Variants in INPP4A observed in about 807,000 individuals in gnomAD.
The protein encoded by INPP4A is inositol polyphosphate-4-phosphatase, type I, 107kD.
Under a neutral mutation model 119.8 loss-of-function variants are expected in INPP4A, and 33 were observed. The observed-to-expected ratio is 0.28, with a 90% CI of 0.21 to 0.37. The LOEUF (loss-of-function observed/expected upper bound fraction) is 0.37. Ranked by LOEUF, INPP4A falls within the 10% of genes least tolerant of loss-of-function variation. The pLI is 1.00. For synonymous variants in INPP4A, 496 were observed against 500.7 expected (o/e 0.99, Z 0.12); for missense variants, 956 against 1,289.9 (o/e 0.74, Z 3.97).
chr2:98,484,075 T>C (rs1406963469), intron 1 of INPP4A, among the ~76,000 whole-genome samples: 1 of 152,094 alleles, frequency 6.6e-6, no homozygotes, highest in African/African-American at 2.4e-5. Context: ...AGAGGTGGGC[T>C]TGGAATCTCT....
intron 1 of INPP4A, among the ~76,000 whole-genome samples, chr2:98,501,229 A>T (rs1683055906): frequency 6.6e-6 from 1 of 152,114 alleles, no homozygotes; most frequent in African/African-American, 2.4e-5. Flanking sequence ...AGGCAGGAGA[A>T]TCGCTGAGGC....
chr2:98,484,695 T>C (rs1010161350), intron 1 of INPP4A, among the ~76,000 whole-genome samples: 8 of 152,176 alleles, frequency 5.3e-5, no homozygotes, highest in African/African-American at 1.7e-4. Flanking sequence ...TCCCAGTGCT[T>C]AACATTTTTA....
At chr2:98,463,662 G>A (rs934248178) in intron 1 of INPP4A, among the ~76,000 whole-genome samples, 1 of 152,256 alleles carries the variant, frequency 6.6e-6, no homozygotes, top group Non-Finnish European at 1.5e-5. Context: ...TGGCCCTGGG[G>A]TCTGTCTGTA....
intron 24 of INPP4A, among the ~76,000 whole-genome samples, chr2:98,585,657 G>C (rs898906404): frequency 6.6e-6 from 1 of 152,156 alleles, no homozygotes; most frequent in Non-Finnish European, 1.5e-5. Flanking sequence ...TAACAGTGTC[G>C]GCATGTGGAT....
intron 1 of INPP4A, among the ~76,000 whole-genome samples, chr2:98,476,085 T>G (rs1346461527): frequency 6.6e-6 from 1 of 152,218 alleles, no homozygotes; most frequent in Non-Finnish European, 1.5e-5. Context: ...TGAGTCAGAC[T>G]TGCCACATGA....
intron 1 of INPP4A, among the ~76,000 whole-genome samples, chr2:98,454,571 C>T (rs926696910): frequency 2.0e-5 from 3 of 152,022 alleles, no homozygotes; most frequent in Non-Finnish European, 4.4e-5. Flanking sequence ...TGTTTCGACC[C>T]CTGCTCCACT....
rs1700473560 is a variant in INPP4A at position 98,593,039 on chromosome 2, CTTGT to C, written c.*5434_*5437del. 3 of 152,422 alleles carry C rather than the reference CTTGT, an allele frequency of 2.0e-5. No individual in the cohort carries two copies. The highest frequency in any genetic ancestry group is 2.0e-4 in the Admixed American group (3 of 15,312). 9.4% of individuals were successfully genotyped at this position (152,422 alleles called of 1,614,324 possible). On this transcript the variant is annotated 3_prime_UTR_variant, in exon 25 of 25. Coordinates refer to ENST00000409851, the MANE Select transcript of INPP4A (RefSeq NM_001134225.2). ...GTAGGCAAACGGAGAGTAGCTTGGT[CTTGT>C]TTTTATTAGCTGTTGCCCTCCAGGC... is the stretch of plus-strand genomic sequence containing the variant.
intron 1 of INPP4A, among the ~76,000 whole-genome samples, chr2:98,470,488 G>C (rs1053406641): frequency 6.6e-6 from 1 of 152,224 alleles, no homozygotes; most frequent in African/African-American, 2.4e-5. Context: ...CTGCAAGGAG[G>C]CCTGGTGGGG....
chr2:98,565,929 A>G (rs903909642), intron 20 of INPP4A, 100 bp from the exon 21 acceptor site: 1 of 1,501,520 alleles, frequency 6.7e-7, no homozygotes, highest in Non-Finnish European at 9.0e-7. Flanking sequence ...TGTGGTTGGC[A>G]GTTTGGCCAT....
intron 4 of INPP4A, among the ~76,000 whole-genome samples, chr2:98,530,915 G>A (rs1303963768): frequency 1.3e-5 from 2 of 152,212 alleles, no homozygotes; most frequent in Non-Finnish European, 2.9e-5. Flanking sequence ...TCTGGAACCT[G>A]AGAAGTGCAA....
In INPP4A at chr2:98,569,537, T is replaced by TA. The variant is rs1273818697; in HGVS notation, c.2518+870dup. The TA allele has an allele frequency of 6.6e-6, 1 of 152,160 alleles. No homozygotes were observed. Among genetic ancestry groups the TA allele is most frequent in the Admixed American group, 6.6e-5 (1 of 15,260 alleles). 9.4% of individuals were successfully genotyped at this position (152,160 alleles called of 1,614,324 possible). ...TCCTGTTGGACGGTACGGTAGACCT[T>TA]AGAGTTTAGAGATAGTCAAACAGTA... is the stretch of plus-strand genomic sequence containing the variant. On this transcript the variant is annotated intron_variant, in intron 22 of 24. Transcript: ENST00000409851. The surrounding 1 kb of genome is among the most constrained non-coding windows in gnomAD (Gnocchi z 5.1).
At chr2:98,507,012 C>T (rs1684190261) in intron 1 of INPP4A, among the ~76,000 whole-genome samples, 1 of 152,206 alleles carries the variant, frequency 6.6e-6, no homozygotes, top group African/African-American at 2.4e-5. Context: ...GTTCACAGTC[C>T]AGGGAGGTGT....
At chr2:98,492,609 C>G (rs545738156) in intron 1 of INPP4A, among the ~76,000 whole-genome samples, 27 of 152,282 alleles carry the variant, frequency 1.8e-4, no homozygotes, top group Admixed American at 6.5e-4. Flanking sequence ...CCTGGGAGCC[C>G]TTTAGGGATG....
chr2:98,552,587 TA>T (rs1334497929), intron 13 of INPP4A, 198 bp from the exon 14 acceptor site: 2 of 713,142 alleles, frequency 2.8e-6, no homozygotes, highest in Non-Finnish European at 5.2e-6. Flanking sequence ...CATAGTTTAA[TA>T]TTTCAAGCTC....
At position 98,547,430 on chromosome 2, in the gene INPP4A, C is replaced by T. The variant is rs189283319; in HGVS notation, c.1163+736C>T. Among the ~76,000 whole-genome samples the T allele has an allele frequency of 1.4e-3, 218 of 152,198 alleles. 1 individual carries two copies. The highest frequency in any genetic ancestry group is 2.4e-3 in the Non-Finnish European group (164 of 68,004). On this transcript the variant is annotated intron_variant, in intron 13 of 24. Transcript: ENST00000409851. ...GCATGGAGCAGGGCATCCACCCAGC[C>T]CCCAGGGGTGGGAGGGAGAGAGCCA...
At chr2:98,468,234 TATTG>T (rs924058947) in intron 1 of INPP4A, among the ~76,000 whole-genome samples, 7 of 152,152 alleles carry the variant, frequency 4.6e-5, no homozygotes, top group Admixed American at 6.5e-5. Context: ...AAAACAATTT[TATTG>T]ATTGATTGAT....
chr2:98,518,852 G>T (rs1311791059), intron 1 of INPP4A, 112 bp from the exon 2 acceptor site: 1 of 152,182 alleles, frequency 6.6e-6, no homozygotes, highest in African/African-American at 2.4e-5. Flanking sequence ...ATTGGGGTGT[G>T]GAGCTCAAAC....
At chr2:98,512,850 T>TC (rs1427008114) in intron 1 of INPP4A, among the ~76,000 whole-genome samples, 3 of 152,190 alleles carry the variant, frequency 2.0e-5, no homozygotes, top group African/African-American at 7.2e-5. Context: ...AGGAAGGCCT[T>TC]CCTGAGACCC....
chr2:98,534,285 C>T (rs565820500), intron 5 of INPP4A, among the ~76,000 whole-genome samples: 4 of 152,274 alleles, frequency 2.6e-5, no homozygotes, highest in East Asian at 1.9e-4. Context: ...CAGTCCCTGC[C>T]CTGAGGAATT....
Sources: gnomAD v4.1 joint callset for allele counts (sites outside exome capture counted in the v4.1 genomes callset) on GRCh38, gnomAD v4.1.1 for gene constraint, Gnocchi (gnomAD v3.1) non-coding constraint, MANE v1.5 for transcripts, NCBI Gene and HGNC (gene_info 2026-07-23, HGNC 2026-07-21) for gene names.